MYCBPAP: variants seen among roughly 807,000 people sequenced by gnomAD.
MYCBPAP encodes the protein MYCBP associated protein.
MYCBPAP carries 60 observed loss-of-function variants against 106.1 expected under a neutral mutation model. The ratio of observed to expected loss-of-function variants is 0.57; its 90% CI spans 0.46 to 0.70. The LOEUF is 0.70. MYCBPAP is among the 30% of genes least tolerant of loss of function. The probability of loss-of-function intolerance (pLI) is 0.00; values close to 1 mark genes in which losing one functional copy is unlikely to be tolerated. For synonymous variants in MYCBPAP, 407 were observed against 440.6 expected (o/e 0.92, Z 0.95); for missense variants, 1,064 against 1,169.3 (o/e 0.91, Z 1.31).
intron 6 of MYCBPAP, 74 bp downstream of exon 6, chr17:50,519,163 A>G: frequency 9.2e-7 from 1 of 1,083,148 alleles, no homozygotes; most frequent in Non-Finnish European, 1.4e-6. Flanking sequence ...GTGTCTGGAC[A>G]CAGGGATGCT....
intron 1 of MYCBPAP, among the ~76,000 whole-genome samples, chr17:50,513,389 GAA>G (rs35533042): frequency 9.0e-5 from 13 of 144,492 alleles, no homozygotes; most frequent in African/African-American, 2.0e-4. Context: ...TCCATCTCAA[GAA>G]AAAAAAAAAG....
intron 13 of MYCBPAP, among the ~76,000 whole-genome samples, 190 bp from the exon 14 acceptor site, chr17:50,525,689 CTA>C (rs1567894295): frequency 8.0e-6 from 1 of 124,440 alleles, no homozygotes; most frequent in African/African-American, 3.0e-5. Context: ...TAGGATCACT[CTA>C]TGTCATACAG....
chr17:50,522,709 A>AAATATATATATATATATATATATATAT, intron 10 of MYCBPAP: 8 of 50,010 alleles, frequency 1.6e-4, no homozygotes, highest in Non-Finnish European at 2.4e-4. Context: ...AAAAAAAAAA[A>AAATATATATATATATATATATATATAT]ATATATATAT....
At chr17:50,508,322 G>T (rs2033686762), upstream of MYCBPAP, 2 of 464,144 alleles carry the variant, frequency 4.3e-6, no homozygotes, top group Non-Finnish European at 7.5e-6. Flanking sequence ...CTCCCACCCA[G>T]CCCTCGGCTC....
rs2034399334 is a variant in MYCBPAP at position 50,524,761 on chromosome 17, A to C, written c.1636-116A>C. ...GTGAGAGAGAGAGAGAGAGAGAGAC[A>C]ATGGCAGGAACTCAGACCCTAGGAA... On this transcript the variant is annotated intron_variant, in intron 12 of 18. Transcript: ENST00000323776. The C allele has an allele frequency of 6.3e-6, 6 of 954,444 alleles. No homozygotes were observed. In the African/African-American group the frequency reaches 6.6e-5, roughly 11 times the overall value. 59.1% of individuals were successfully genotyped at this position (954,444 alleles called of 1,614,324 possible). A position where few individuals can be genotyped will look rare whatever the true frequency, so the allele number is the denominator to read the frequency against.
At chr17:50,509,320 AC>A in intron 1 of MYCBPAP, 1 of 599,454 alleles carries the variant, frequency 1.7e-6, no homozygotes, top group East Asian at 2.9e-5. Context: ...CAGCTGGATG[AC>A]ACTTATCCAG....
rs1597849083 is a variant in MYCBPAP, at chr17:50,528,086, C to T, written c.2292-69C>T. On this transcript the variant is annotated intron_variant, in intron 15 of 18. Coordinates refer to ENST00000323776, the MANE Select transcript of MYCBPAP (RefSeq NM_032133.6). Reference sequence around the variant, plus strand: ...GCACCAGGGTCTTTGAAGGGAGGGACCCAAGCCTCTGCAGGTTCAAGGACA... The same window carrying T: ...GCACCAGGGTCTTTGAAGGGAGGGATCCAAGCCTCTGCAGGTTCAAGGACA... 11 of 1,358,166 alleles carry T rather than the reference C, an allele frequency of 8.1e-6. No individual in the cohort carries two copies. In the East Asian group the frequency reaches 2.4e-4, roughly 30 times the overall value. The allele number at this position is 1,358,166 out of a possible 1,614,324, so 84.1% of individuals were successfully genotyped here.
chr17:50,515,214 C>G (rs554084270), intron 1 of MYCBPAP, among the ~76,000 whole-genome samples: 1 of 151,474 alleles, frequency 6.6e-6, no homozygotes, highest in Admixed American at 6.6e-5. Flanking sequence ...CTGACTCCCC[C>G]ACCTCCCACG....
At chr17:50,527,183 C>G (rs1206257077) in intron 14 of MYCBPAP, 104 bp from the exon 15 acceptor site, 4 of 1,516,874 alleles carry the variant, frequency 2.6e-6, no homozygotes, top group Non-Finnish European at 3.6e-6. Context: ...TGCATCCCCT[C>G]CTGGTTCCTG....
At chr17:50,508,110 G>T (rs765897073), upstream of MYCBPAP, among the ~76,000 whole-genome samples, 29 of 149,602 alleles carry the variant, frequency 1.9e-4, no homozygotes, top group Non-Finnish European at 3.7e-4. Context: ...GGTACGCCAC[G>T]AAGGGGTTTC....
At chr17:50,516,340 C>G (rs1435032162) in intron 1 of MYCBPAP, among the ~76,000 whole-genome samples, 1 of 152,206 alleles carries the variant, frequency 6.6e-6, no homozygotes, top group Non-Finnish European at 1.5e-5. Context: ...GTCTTAGTCA[C>G]TGTGGTGAGC....
intron 18 of MYCBPAP, among the ~76,000 whole-genome samples, chr17:50,530,507 G>A (rs150752644): frequency 0.023 from 1,073 of 47,198 alleles, 14 homozygotes; most frequent in East Asian, 0.061. Context: ...CAAAAAAAAA[G>A]AATCAACTTG....
intron 1 of MYCBPAP, chr17:50,510,499 G>GTGTATGTGTGTATA (rs1418345705): frequency 7.9e-5 from 6 of 76,428 alleles, no homozygotes; most frequent in African/African-American, 2.7e-4. Flanking sequence ...GTGTGTGTGT[G>GTGTATGTGTGTATA]TATATATATA....
Position 50,528,140 on chromosome 17 carries a change from T to C in MYCBPAP, c.2292-15T>C, listed in dbSNP as rs1177884295. 8.7e-6 allele frequency: 14 copies of C among 1,608,956 alleles called. No homozygotes were observed. Among genetic ancestry groups the C allele is most frequent in the Admixed American group, 1.7e-5 (1 of 59,886 alleles). On this transcript the variant is annotated splice_polypyrimidine_tract_variant and intron_variant, in intron 15 of 18. Coordinates refer to ENST00000323776, the MANE Select transcript of MYCBPAP (RefSeq NM_032133.6). The stretch of plus-strand genomic sequence containing the variant: ...GAGGAGTGATGGCATTTCTCCACTG[T>C]GTCTTGCCCTCTAGTTTGCAGCTGT...
chr17:50,520,078 G>C, intron 7 of MYCBPAP: 1 of 321,484 alleles, frequency 3.1e-6, no homozygotes, highest in African/African-American at 2.1e-5. Flanking sequence ...TGGCTGCCCT[G>C]CCTTGAGAAG....
In MYCBPAP at chr17:50,524,894, T is replaced by C. The variant is rs1157355905; in HGVS notation, c.1653T>C (p.His551=). 2 of 1,613,852 alleles carry C rather than the reference T, an allele frequency of 1.2e-6. No individual in the cohort carries two copies. The highest frequency in any genetic ancestry group is 1.7e-6 in the Non-Finnish European group (2 of 1,179,956). The part of the protein sequence containing the change: ...RKVLESKLTA[H]EAVTVVREVL... ...TTTTGCAGAGCAAGCTGACTGCCCA[T>C]GAGGCAGTCACCGTCGTTCGCGAAG... The change falls in exon 13 of 19, where the codon CAT becomes CAC. Residue 551 remains histidine (H), a synonymous_variant. Coordinates refer to ENST00000323776, the MANE Select transcript of MYCBPAP (RefSeq NM_032133.6).
At chr17:50,509,419 C>T (rs970678677) in intron 1 of MYCBPAP, 5 of 406,158 alleles carry the variant, frequency 1.2e-5, no homozygotes, top group Non-Finnish European at 4.6e-6. Context: ...AGCCACAGGG[C>T]GTCTGATAGC....
intron 12 of MYCBPAP, among the ~76,000 whole-genome samples, 180 bp downstream of exon 12, chr17:50,523,964 TGCGCTG>T (rs1255652535): frequency 6.6e-6 from 1 of 152,214 alleles, no homozygotes; most frequent in African/African-American, 2.4e-5. Flanking sequence ...AAAAGATGGG[TGCGCTG>T]GCTAGGCAGG....
intron 1 of MYCBPAP, 88 bp downstream of exon 1, chr17:50,508,838 G>T: frequency 8.5e-7 from 1 of 1,177,314 alleles, no homozygotes; most frequent in Non-Finnish European, 1.2e-6. Context: ...CCTGGAGGAT[G>T]GGGATGGCAC....
Sources: allele counts gnomAD v4.1 joint callset (sites outside exome capture counted in the v4.1 genomes callset), GRCh38; gene constraint gnomAD v4.1.1; transcripts MANE v1.5; gene names NCBI Gene and HGNC (gene_info 2026-07-23, HGNC 2026-07-21).